The following NTNG1 variants were observed in gnomAD, a reference collection of about 807,000 sequenced individuals.
NTNG1 encodes netrin G1.
In NTNG1, 16 loss-of-function variants were observed where a neutral mutation model predicts 54.0. That is an observed-to-expected ratio of 0.30 (90% CI 0.20 to 0.45). The LOEUF is 0.45. NTNG1 is among the 20% of genes least tolerant of loss of function. The pLI, the probability that NTNG1 is intolerant of heterozygous loss-of-function variation, is 1.00. For synonymous variants in NTNG1, 255 were observed against 263.1 expected (o/e 0.97, Z 0.30); for missense variants, 530 against 678.7 (o/e 0.78, Z 2.43).
intron 7 of NTNG1, among the ~76,000 whole-genome samples, chr1:107,479,219 T>C (rs1235133165): frequency 2.0e-5 from 3 of 152,228 alleles, no homozygotes; most frequent in East Asian, 1.9e-4. Context: ...TTATTAACCA[T>C]GTGGGTATCC....
intron 2 of NTNG1, among the ~76,000 whole-genome samples, chr1:107,185,769 A>G (rs1657411804): frequency 6.6e-6 from 1 of 152,142 alleles, no homozygotes; most frequent in Non-Finnish European, 1.5e-5. Context: ...GACAGCTAGG[A>G]TCACATTGTG....
At chr1:107,239,791 T>TA (rs112483496) in intron 2 of NTNG1, among the ~76,000 whole-genome samples, 1,998 of 148,630 alleles carry the variant, frequency 0.013, 35 homozygotes, top group African/African-American at 0.043. Context: ...GGTGGTTAAA[T>TA]AAAAAAAAAA....
chr1:107,242,271 A>G (rs1224188488), intron 2 of NTNG1, among the ~76,000 whole-genome samples: 1 of 152,190 alleles, frequency 6.6e-6, no homozygotes, highest in Non-Finnish European at 1.5e-5. Context: ...AGGCAAGATT[A>G]CACTACTACA....
chr1:107,377,078 T>C (rs1671327966), intron 3 of NTNG1, among the ~76,000 whole-genome samples: 1 of 152,216 alleles, frequency 6.6e-6, no homozygotes, highest in Non-Finnish European at 1.5e-5. Context: ...TCTTCCTGGC[T>C]TACATGGGGC....
chr1:107,423,558 A>G lies in NTNG1; in HGVS notation c.1088-7192A>G, dbSNP rs527825420. ...CGTGGTACAGGGTAGTTCTCAATAA[A>G]TATGTGTTGCCAATGGTTGCCATGC... On this transcript the variant is annotated intron_variant, in intron 5 of 7. Transcript: ENST00000370068. Among the ~76,000 whole-genome samples, 11 of 152,202 alleles carry G rather than the reference A, an allele frequency of 7.2e-5. No homozygotes were observed. In the South Asian group the frequency reaches 1.9e-3, roughly 26 times the overall value.
intron 3 of NTNG1, among the ~76,000 whole-genome samples, chr1:107,326,215 A>G (rs1667943805): frequency 1.3e-5 from 2 of 152,092 alleles, no homozygotes; most frequent in Non-Finnish European, 1.5e-5. Flanking sequence ...TTCTAGCTTC[A>G]TGTTCCTCAT....
chr1:107,404,822 T>A (rs1330190763), intron 4 of NTNG1, among the ~76,000 whole-genome samples: 1 of 152,112 alleles, frequency 6.6e-6, no homozygotes, highest in Non-Finnish European at 1.5e-5. Context: ...ATAAATAACT[T>A]CTGAGCTCAG....
intron 7 of NTNG1, among the ~76,000 whole-genome samples, chr1:107,447,095 A>G (rs1676351883): frequency 6.6e-6 from 1 of 152,082 alleles, no homozygotes; most frequent in African/African-American, 2.4e-5. Context: ...TTTCTAAACT[A>G]CAACTCTTTT....
intron 7 of NTNG1, among the ~76,000 whole-genome samples, chr1:107,440,615 A>G (rs185386390): frequency 2.6e-5 from 4 of 152,302 alleles, no homozygotes; most frequent in African/African-American, 9.6e-5. Context: ...GCAAGAATCC[A>G]TGTTCAAAAG....
intron 7 of NTNG1, among the ~76,000 whole-genome samples, chr1:107,467,246 G>A (rs772117111): frequency 1.9e-4 from 29 of 152,094 alleles, no homozygotes; most frequent in Non-Finnish European, 3.7e-4. Context: ...AGGAGTGAAC[G>A]ATGATTTTTT....
At chr1:107,240,191 A>G (rs1661727344) in intron 2 of NTNG1, among the ~76,000 whole-genome samples, 1 of 152,158 alleles carries the variant, frequency 6.6e-6, no homozygotes, top group South Asian at 2.1e-4. Context: ...GGAAGTGAAT[A>G]TAGTAAAGGT....
intron 2 of NTNG1, among the ~76,000 whole-genome samples, chr1:107,168,940 G>T (rs534132112): frequency 6.6e-6 from 1 of 152,056 alleles, no homozygotes; most frequent in African/African-American, 2.4e-5. Context: ...CCATATGTAG[G>T]CTAGCCTTCT....
chr1:107,287,273 G>T (rs924159617), intron 2 of NTNG1, among the ~76,000 whole-genome samples: 3 of 152,040 alleles, frequency 2.0e-5, no homozygotes, highest in African/African-American at 7.2e-5. Flanking sequence ...TAAAAAAAAA[G>T]GCGATGATAA....
At chr1:107,401,134 A>G (rs1673003867) in intron 4 of NTNG1, among the ~76,000 whole-genome samples, 1 of 152,156 alleles carries the variant, frequency 6.6e-6, no homozygotes. Context: ...TCTTGGAGGA[A>G]CTTTAATGGG....
At chr1:107,352,702 G>C (rs1331338226) in intron 3 of NTNG1, among the ~76,000 whole-genome samples, 1 of 152,234 alleles carries the variant, frequency 6.6e-6, no homozygotes, top group Non-Finnish European at 1.5e-5. Flanking sequence ...TAAGCTTTAA[G>C]GTGTGGATCA....
chr1:107,179,791 T>C (rs1656933264), intron 2 of NTNG1, among the ~76,000 whole-genome samples: 1 of 152,170 alleles, frequency 6.6e-6, no homozygotes. Context: ...AATATTCTTT[T>C]CTGCTTCCTG....
chr1:107,455,303 A>G (rs1008053136), intron 7 of NTNG1, among the ~76,000 whole-genome samples: 4 of 152,180 alleles, frequency 2.6e-5, no homozygotes, highest in Admixed American at 2.6e-4. Context: ...ACCTCCAGTG[A>G]TCTTCCCGCC....
intron 2 of NTNG1, among the ~76,000 whole-genome samples, chr1:107,254,160 A>G (rs756134543): frequency 2.0e-4 from 31 of 152,216 alleles, no homozygotes; most frequent in Admixed American, 4.6e-4. Flanking sequence ...TGGAGAACCA[A>G]CTGAGGAAAA....
intron 7 of NTNG1, among the ~76,000 whole-genome samples, chr1:107,446,867 T>C (rs1676337437): frequency 6.6e-6 from 1 of 152,118 alleles, no homozygotes; most frequent in African/African-American, 2.4e-5. Context: ...TAAATTCCAA[T>C]ATAGGCACAT....
Sources: gnomAD v4.1 joint callset for allele counts (sites outside exome capture counted in the v4.1 genomes callset) on GRCh38, gnomAD v4.1.1 for gene constraint, MANE v1.5 for transcripts, NCBI Gene and HGNC (gene_info 2026-07-23, HGNC 2026-07-21) for gene names.